Variants in KMO observed in about 807,000 individuals in gnomAD.
The protein encoded by KMO is kynurenine 3-hydroxylase.
Under a neutral mutation model 57.8 loss-of-function variants are expected in KMO, and 24 were observed. The ratio of observed to expected loss-of-function variants is 0.42; its 90% confidence interval spans 0.30 to 0.58. The LOEUF (loss-of-function observed/expected upper bound fraction) is 0.58, where lower values mean the gene tolerates loss of function less well. Among genes scored for constraint, KMO ranks in the 20% least tolerant of loss-of-function variants. The probability of loss-of-function intolerance (pLI) is 0.22; values close to 1 mark genes in which losing one functional copy is unlikely to be tolerated. For missense variants in KMO, 483 were observed against 588.2 expected (o/e 0.82, Z 1.85); for synonymous variants, 210 against 193.6 (o/e 1.08, Z -0.70).
intron 2 of KMO, among the ~76,000 whole-genome samples, chr1:241,549,266 A>AAAGAAAGAAAGAAAGG (rs1348387681): frequency 1.7e-5 from 2 of 117,556 alleles, no homozygotes; most frequent in East Asian, 2.4e-4. Context: ...AGAAAGAAAG[A>AAAGAAAGAAAGAAAGG]AAGGAAGGAA....
chr1:241,551,696 C>T, intron 4 of KMO, among the ~76,000 whole-genome samples: 1 of 152,180 alleles, frequency 6.6e-6, no homozygotes, highest in African/African-American at 2.4e-5. Flanking sequence ...AAACATCCAT[C>T]GACAACAGAA....
chr1:241,586,443 G>A lies in KMO; in HGVS notation c.958-236G>A, dbSNP rs116829586. 3.7e-3 allele frequency: 1,549 copies of A among 422,940 alleles called. 6 individuals are homozygous for A. Among genetic ancestry groups the A allele is most frequent in the Non-Finnish European group, 4.9e-3 (1,135 of 230,004 alleles). 26.2% of individuals were successfully genotyped at this position (422,940 alleles called of 1,614,324 possible). On this transcript the variant is annotated intron_variant, in intron 10 of 14. Coordinates refer to ENST00000366559, the MANE Select transcript of KMO (RefSeq NM_003679.5). ...TCAAACTCCTGAGCTCAAGCGATCC[G>A]CTCACCTCGGCCTCCCAAAGTGCTG...
intron 1 of KMO, among the ~76,000 whole-genome samples, chr1:241,545,219 A>T (rs1317317950): frequency 6.6e-6 from 1 of 152,240 alleles, no homozygotes; most frequent in East Asian, 1.9e-4. Flanking sequence ...AATGGTGAGC[A>T]AAACCTGTTG....
chr1:241,554,303 CAG>C lies in KMO; in HGVS notation c.313-1306_313-1305del, dbSNP rs532585428. 5.7e-3 allele frequency among the ~76,000 whole-genome samples: 812 copies of C among 142,520 alleles called. 3 individuals are homozygous for C. The highest frequency in any genetic ancestry group is 0.015 in the Middle Eastern group (4 of 264). 93.5% of individuals were successfully genotyped at this position (142,520 alleles called of 152,430 possible). On this transcript the variant is annotated intron_variant, in intron 4 of 14. Transcript: ENST00000366559. ...CCTTCCTCCCTTCTTTCTTTCTAGA[CAG>C]AGTCTCACTCACTCTGTCATCCAGG...
chr1:241,557,835 C>T (rs578033174), intron 5 of KMO, among the ~76,000 whole-genome samples: 2 of 152,258 alleles, frequency 1.3e-5, no homozygotes, highest in East Asian at 3.9e-4. Flanking sequence ...AAAACAACAA[C>T]AAGAAAACTC....
chr1:241,542,789 A>AC (rs1661004333), intron 1 of KMO, among the ~76,000 whole-genome samples: 1 of 152,222 alleles, frequency 6.6e-6, no homozygotes, highest in African/African-American at 2.4e-5. Flanking sequence ...TTTACACACC[A>AC]CATTTTCTTT....
intron 10 of KMO, among the ~76,000 whole-genome samples, chr1:241,572,013 C>G (rs143436506): frequency 0.014 from 2,062 of 151,886 alleles, 23 homozygotes; most frequent in Non-Finnish European, 0.02. Flanking sequence ...ACTACAGGCA[C>G]GTGCCACTAT....
At chr1:241,559,280 C>T (rs997934097) in intron 5 of KMO, among the ~76,000 whole-genome samples, 1 of 152,128 alleles carries the variant, frequency 6.6e-6, no homozygotes, top group Non-Finnish European at 1.5e-5. Context: ...TCAAACACTA[C>T]CTGTGGCTGG....
chr1:241,564,315 C>T (rs528849584), intron 7 of KMO, among the ~76,000 whole-genome samples: 7 of 152,108 alleles, frequency 4.6e-5, no homozygotes, highest in African/African-American at 9.6e-5. Flanking sequence ...CAAAAATGTG[C>T]GTCACTTGGG....
intron 3 of KMO, chr1:241,550,014 T>G: frequency 4.5e-6 from 2 of 443,404 alleles, no homozygotes; most frequent in Non-Finnish European, 4.0e-6. Context: ...CTCAACAGGA[T>G]GGTGCGTCAC....
intron 8 of KMO, among the ~76,000 whole-genome samples, chr1:241,565,843 C>T (rs757706404): frequency 4.6e-5 from 7 of 151,976 alleles, no homozygotes; most frequent in Non-Finnish European, 8.8e-5. Flanking sequence ...TCCTGGGGTC[C>T]AGGGCCTAGT....
At chr1:241,552,144 T>C (rs1661425001) in intron 4 of KMO, among the ~76,000 whole-genome samples, 1 of 147,360 alleles carries the variant, frequency 6.8e-6, no homozygotes, top group Middle Eastern at 3.4e-3. Context: ...CCCCACCACC[T>C]TGTCTGTGTG....
chr1:241,572,933 C>T (rs1662358966), intron 10 of KMO, among the ~76,000 whole-genome samples: 1 of 152,096 alleles, frequency 6.6e-6, no homozygotes, highest in African/African-American at 2.4e-5. Flanking sequence ...ATATTGGGCT[C>T]CAGCTCCATC....
chr1:241,558,601 A>G (rs921807424), intron 5 of KMO, among the ~76,000 whole-genome samples: 3 of 152,168 alleles, frequency 2.0e-5, no homozygotes, highest in African/African-American at 7.2e-5. Flanking sequence ...TGTGTGGCCA[A>G]ATAAGTCTGA....
At chr1:241,581,281 A>G (rs1662740576) in intron 10 of KMO, among the ~76,000 whole-genome samples, 1 of 151,966 alleles carries the variant, frequency 6.6e-6, no homozygotes, top group South Asian at 2.1e-4. Flanking sequence ...TATACATCCA[A>G]CTGCTCTATG....
intron 1 of KMO, among the ~76,000 whole-genome samples, chr1:241,540,520 C>T (rs1221240667): frequency 6.6e-6 from 1 of 151,906 alleles, no homozygotes; most frequent in African/African-American, 2.4e-5. Flanking sequence ...TATTCAAAGG[C>T]ATGGAAGAAT....
chr1:241,559,550 C>T (rs1228630443), intron 5 of KMO, among the ~76,000 whole-genome samples: 1 of 152,042 alleles, frequency 6.6e-6, no homozygotes, highest in Non-Finnish European at 1.5e-5. Context: ...CAAACTACTT[C>T]TTCTACATAG....
At chr1:241,551,572 T>C (rs1263141228) in intron 4 of KMO, among the ~76,000 whole-genome samples, 4 of 152,226 alleles carry the variant, frequency 2.6e-5, no homozygotes, top group Non-Finnish European at 4.4e-5. Flanking sequence ...ATTATCCTGC[T>C]CTGTGCTTTC....
intron 9 of KMO, among the ~76,000 whole-genome samples, 172 bp from the exon 10 acceptor site, chr1:241,568,328 T>C (rs923249938): frequency 2.6e-5 from 4 of 152,224 alleles, no homozygotes; most frequent in Non-Finnish European, 5.9e-5. Flanking sequence ...GTAATTAGAA[T>C]AATGGAATTT....
Sources: gnomAD v4.1 joint callset for allele counts (sites outside exome capture counted in the v4.1 genomes callset) on GRCh38, gnomAD v4.1.1 for gene constraint, MANE v1.5 for transcripts, NCBI Gene and HGNC (gene_info 2026-07-23, HGNC 2026-07-21) for gene names.